The following PEX5L variants were observed in gnomAD, a reference collection of about 807,000 sequenced individuals.
The protein encoded by PEX5L is peroxisomal biogenesis factor 5 like.
PEX5L carries 30 observed loss-of-function variants against 84.0 expected under a neutral mutation model. The observed-to-expected ratio is 0.36, with a 90% CI of 0.27 to 0.48. PEX5L has a LOEUF of 0.48. Ranked by LOEUF, PEX5L falls within the 20% of genes least tolerant of loss-of-function variation. The pLI is 0.99. For missense variants in PEX5L, 533 were observed against 754.6 expected (o/e 0.71, Z 3.44); for synonymous variants, 270 against 283.1 (o/e 0.95, Z 0.46).
chr3:179,972,896 T>A (rs1028450248), intron 1 of PEX5L, among the ~76,000 whole-genome samples: 4 of 152,200 alleles, frequency 2.6e-5, no homozygotes, highest in Admixed American at 1.3e-4. Flanking sequence ...TTCTCATTTA[T>A]ATATTAATGA....
rs1013132431 is a variant in PEX5L, at chr3:179,930,644, C to CT, written c.94-32399dup. Among the ~76,000 whole-genome samples the CT allele has an allele frequency of 1.1e-3, 172 of 152,290 alleles. 1 individual carries two copies. The highest frequency in any genetic ancestry group is 0.01 in the Middle Eastern group (3 of 294). On this transcript the variant is annotated intron_variant, in intron 2 of 14. Coordinates refer to ENST00000467460, the MANE Select transcript of PEX5L (RefSeq NM_016559.3). Reference sequence around the variant, plus strand: ...GTTTGGGCTTTAAATATGCCTCATGCTTTCCTGGTTGTTGAAATCCTATTT... The same window carrying CT: ...GTTTGGGCTTTAAATATGCCTCATGCTTTTCCTGGTTGTTGAAATCCTATTT...
chr3:179,893,582 C>T (rs1443076529), intron 3 of PEX5L, among the ~76,000 whole-genome samples: 1 of 151,966 alleles, frequency 6.6e-6, no homozygotes, highest in Non-Finnish European at 1.5e-5. Flanking sequence ...AACCCTAAAG[C>T]ACAATACATT....
intron 9 of PEX5L, 56 bp downstream of exon 9, chr3:179,819,804 A>G (rs1347071103): frequency 4.1e-6 from 6 of 1,459,556 alleles, no homozygotes; most frequent in Admixed American, 1.7e-5. Context: ...TCTATAAAAT[A>G]TGATCCAAAA....
At position 179,798,508 on chromosome 3, in the gene PEX5L, A is replaced by G. The variant is rs187895773; in HGVS notation, c.*3320T>C. 104 of 152,244 alleles carry G rather than the reference A, an allele frequency of 6.8e-4. No individual in the cohort carries two copies. Among genetic ancestry groups the G allele is most frequent in the African/African-American group, 2.1e-3 (89 of 41,522 alleles). 9.4% of individuals were successfully genotyped at this position (152,244 alleles called of 1,614,324 possible). Reference sequence around the variant, plus strand: ...CTACTAGAAATGGTTATATTTTGAAACTCAGCAATAATCACTGGCTTTCTC... The same window carrying G: ...CTACTAGAAATGGTTATATTTTGAAGCTCAGCAATAATCACTGGCTTTCTC... On this transcript the variant is annotated 3_prime_UTR_variant, in exon 15 of 15. Coordinates refer to ENST00000467460, the MANE Select transcript of PEX5L (RefSeq NM_016559.3).
intron 2 of PEX5L, among the ~76,000 whole-genome samples, chr3:179,970,462 C>T (rs1298065649): frequency 2.6e-5 from 4 of 152,024 alleles, no homozygotes; most frequent in Admixed American, 6.6e-5. Flanking sequence ...CCCTGTTTTA[C>T]CCAGGAGCAG....
At chr3:179,987,391 A>G (rs2110355026) in intron 1 of PEX5L, among the ~76,000 whole-genome samples, 1 of 152,276 alleles carries the variant, frequency 6.6e-6, no homozygotes. Context: ...AAGTTAGAAA[A>G]ACGCACTAAA....
chr3:179,836,226 A>C (rs910869052), intron 8 of PEX5L, among the ~76,000 whole-genome samples: 2 of 152,192 alleles, frequency 1.3e-5, no homozygotes, highest in Non-Finnish European at 2.9e-5. Flanking sequence ...CCTACTTCAC[A>C]GGATAGTCAG....
intron 2 of PEX5L, among the ~76,000 whole-genome samples, chr3:179,908,134 C>G (rs1643093192): frequency 6.6e-6 from 1 of 152,194 alleles, no homozygotes; most frequent in African/African-American, 2.4e-5. Flanking sequence ...CCACATTTCT[C>G]TGGGGGTCAT....
intron 4 of PEX5L, among the ~76,000 whole-genome samples, chr3:179,882,871 G>A (rs1231148394): frequency 2.0e-5 from 3 of 152,072 alleles, no homozygotes; most frequent in Non-Finnish European, 2.9e-5. Context: ...AGGATCGCTC[G>A]AAGCCAGGAG....
chr3:179,831,397 C>A (rs368375455), intron 8 of PEX5L, among the ~76,000 whole-genome samples: 4 of 151,690 alleles, frequency 2.6e-5, no homozygotes, highest in Non-Finnish European at 5.9e-5. Flanking sequence ...AAATATGGAA[C>A]CTCTTTGAAG....
At chr3:179,838,010 A>G (rs9681071) in intron 8 of PEX5L, among the ~76,000 whole-genome samples, 12 of 152,014 alleles carry the variant, frequency 7.9e-5, no homozygotes, top group African/African-American at 2.7e-4. Flanking sequence ...AAATGTTTGC[A>G]TGTAGCCATC....
intron 1 of PEX5L, among the ~76,000 whole-genome samples, chr3:180,019,576 T>C (rs148430144): frequency 1.2e-4 from 19 of 152,318 alleles, no homozygotes; most frequent in African/African-American, 3.6e-4. Context: ...ATCATCATAT[T>C]TCCTCCTTCA....
intron 2 of PEX5L, among the ~76,000 whole-genome samples, chr3:179,955,715 C>T (rs542466411): frequency 4.4e-4 from 67 of 151,972 alleles, no homozygotes; most frequent in South Asian, 2.3e-3. Flanking sequence ...TTTAGAACTA[C>T]GTATTATAAT....
chr3:179,914,881 A>C, intron 2 of PEX5L, among the ~76,000 whole-genome samples: 1 of 152,258 alleles, frequency 6.6e-6, no homozygotes, highest in Non-Finnish European at 1.5e-5. Context: ...GATAGTGAAA[A>C]TCATATTTAC....
chr3:179,847,079 G>GTATATATATATATATATA (rs199601016), intron 8 of PEX5L, among the ~76,000 whole-genome samples: 49 of 106,510 alleles, frequency 4.6e-4, no homozygotes, highest in East Asian at 2.5e-3. Context: ...GTGTGTGTGT[G>GTATATATATATATATATA]TGTATATATA....
At chr3:179,990,618 G>A (rs781018661) in intron 1 of PEX5L, among the ~76,000 whole-genome samples, 48 of 152,060 alleles carry the variant, frequency 3.2e-4, no homozygotes, top group Non-Finnish European at 6.3e-4. Context: ...TCCCAGGCTG[G>A]TCTTGAACTC....
At chr3:180,015,905 T>C (rs1789906628) in intron 1 of PEX5L, among the ~76,000 whole-genome samples, 1 of 131,692 alleles carries the variant, frequency 7.6e-6, no homozygotes, top group African/African-American at 3.3e-5. Context: ...ATATAATGTA[T>C]AATAAATAAA....
At chr3:179,929,286 G>A (rs1337727431) in intron 2 of PEX5L, among the ~76,000 whole-genome samples, 1 of 152,036 alleles carries the variant, frequency 6.6e-6, no homozygotes, top group East Asian at 1.9e-4. Flanking sequence ...GTGGTTTCAA[G>A]GATGGAAAAT....
Position 179,875,531 on chromosome 3 carries a change from G to T in PEX5L, c.506-54C>A, listed in dbSNP as rs973147351. On this transcript the variant is annotated intron_variant, in intron 5 of 14. Transcript: ENST00000467460. Reference sequence around the variant, plus strand: ...CAGGTGGCGGCAGGGCGGGGTAGGGGGAGCGGTGGCGGGGAGTGGGGTGAG... The same window carrying T: ...CAGGTGGCGGCAGGGCGGGGTAGGGTGAGCGGTGGCGGGGAGTGGGGTGAG... The T allele has an allele frequency of 4.8e-6, 7 of 1,468,344 alleles. No homozygotes were observed. The African/African-American group carries it at 8.4e-5, about 18-fold the overall frequency. The allele number at this position is 1,468,344 out of a possible 1,614,324, so 91.0% of individuals were successfully genotyped here.
Sources: allele counts gnomAD v4.1 joint callset (sites outside exome capture counted in the v4.1 genomes callset), GRCh38; gene constraint gnomAD v4.1.1; transcripts MANE v1.5; gene names NCBI Gene and HGNC (gene_info 2026-07-23, HGNC 2026-07-21).